Variants in AIDA observed in about 807,000 individuals in gnomAD.
AIDA encodes axin interactor, dorsalization-associated protein.
A neutral mutation model predicts 42.7 loss-of-function variants in AIDA; 18 were observed. That is an observed-to-expected ratio of 0.42 (90% CI 0.29 to 0.63). The LOEUF is 0.63. Ranked by LOEUF, AIDA falls within the 20% of genes least tolerant of loss-of-function variation. AIDA has a pLI of 0.19. For missense variants in AIDA, 250 were observed against 354.1 expected, an observed-to-expected ratio of 0.71 and a Z score of 2.36; for synonymous variants, 104 against 122.9, an observed-to-expected ratio of 0.85 and a Z score of 1.02.
chr1:222,695,512 T>C (rs1039780785), intron 2 of AIDA, among the ~76,000 whole-genome samples: 2 of 151,852 alleles, frequency 1.3e-5, no homozygotes, highest in African/African-American at 4.8e-5. Flanking sequence ...AAGACTATTG[T>C]GATAAAAGTA....
chr1:222,670,543 A>G (rs1389202030), intron 8 of AIDA, among the ~76,000 whole-genome samples: 2 of 152,240 alleles, frequency 1.3e-5, no homozygotes, highest in African/African-American at 2.4e-5. Flanking sequence ...AGGTAGAATC[A>G]TAAGCTGCTA....
intron 8 of AIDA, among the ~76,000 whole-genome samples, chr1:222,672,810 C>T (rs548952069): frequency 5.8e-4 from 88 of 152,336 alleles, no homozygotes; most frequent in South Asian, 2.3e-3. Flanking sequence ...ACTCAAATTT[C>T]CACTGGGCGA....
At chr1:222,699,187 G>C (rs1655611707) in intron 2 of AIDA, among the ~76,000 whole-genome samples, 1 of 151,838 alleles carries the variant, frequency 6.6e-6, no homozygotes, top group African/African-American at 2.4e-5. Context: ...TTGAACGGTT[G>C]GCATAATTCT....
intron 2 of AIDA, among the ~76,000 whole-genome samples, chr1:222,696,254 A>T (rs1202249910): frequency 6.6e-6 from 1 of 152,252 alleles, no homozygotes; most frequent in East Asian, 1.9e-4. Context: ...AGAAACCAGC[A>T]AATAGTCTTT....
At chr1:222,701,315 A>G (rs1288194116) in intron 2 of AIDA, among the ~76,000 whole-genome samples, 1 of 152,160 alleles carries the variant, frequency 6.6e-6, no homozygotes, top group Non-Finnish European at 1.5e-5. Flanking sequence ...ATCACTTTAT[A>G]TTTGAGGTCA....
chr1:222,670,514 G>T (rs535168899), intron 8 of AIDA, among the ~76,000 whole-genome samples: 2 of 152,276 alleles, frequency 1.3e-5, no homozygotes, highest in East Asian at 3.9e-4. Flanking sequence ...CCTCAAGAAT[G>T]TATAACAGTT....
chr1:222,703,101 C>G, intron 2 of AIDA, 47 bp downstream of exon 2: 1 of 1,470,716 alleles, frequency 6.8e-7, no homozygotes, highest in Non-Finnish European at 9.2e-7. Flanking sequence ...AAAGACAAAA[C>G]ACTTTTTGTT....
At chr1:222,700,002 C>T (rs2124966076) in intron 2 of AIDA, among the ~76,000 whole-genome samples, 1 of 152,274 alleles carries the variant, frequency 6.6e-6, no homozygotes, top group Admixed American at 6.5e-5. Flanking sequence ...TCGTGATCTG[C>T]CCACCTCGGC....
intron 2 of AIDA, among the ~76,000 whole-genome samples, chr1:222,697,542 C>G (rs891149426): frequency 3.3e-5 from 5 of 151,454 alleles, no homozygotes; most frequent in Admixed American, 6.6e-5. Flanking sequence ...ATTATTAGCA[C>G]TCAAATTAAC....
chr1:222,671,526 T>C (rs1236469332), intron 8 of AIDA, among the ~76,000 whole-genome samples: 1 of 152,148 alleles, frequency 6.6e-6, no homozygotes, highest in Non-Finnish European at 1.5e-5. Flanking sequence ...ACTAGAAGTT[T>C]AGCAATGTTC....
chr1:222,672,083 T>C (rs946419832), intron 8 of AIDA, among the ~76,000 whole-genome samples: 1 of 152,210 alleles, frequency 6.6e-6, no homozygotes, highest in Non-Finnish European at 1.5e-5. Flanking sequence ...TTAAAATGTT[T>C]GTAAACATGA....
intron 8 of AIDA, among the ~76,000 whole-genome samples, chr1:222,670,749 A>G (rs780537717): frequency 5.3e-5 from 8 of 152,240 alleles, no homozygotes; most frequent in Non-Finnish European, 1.0e-4. Context: ...ATGCTGGCTC[A>G]GCTGGAAAAT....
intron 1 of AIDA, among the ~76,000 whole-genome samples, chr1:222,704,567 G>A (rs1028721253): frequency 2.0e-5 from 3 of 152,112 alleles, no homozygotes; most frequent in Admixed American, 6.6e-5. Flanking sequence ...AAGATTATAC[G>A]TTATATGATT....
chr1:222,688,595 A>C (rs575928925), intron 4 of AIDA, among the ~76,000 whole-genome samples: 88 of 151,910 alleles, frequency 5.8e-4, no homozygotes, highest in African/African-American at 2.0e-3. Flanking sequence ...CTTACTAAAA[A>C]AAAGTTAATT....
chr1:222,708,654 C>G (rs1482167984), intron 1 of AIDA, among the ~76,000 whole-genome samples: 5 of 152,028 alleles, frequency 3.3e-5, no homozygotes, highest in East Asian at 3.9e-4. Flanking sequence ...AGCCGTGAGC[C>G]ACCACACCCA....
intron 1 of AIDA, among the ~76,000 whole-genome samples, chr1:222,705,536 G>A (rs577390550): frequency 6.6e-6 from 1 of 152,260 alleles, no homozygotes; most frequent in African/African-American, 2.4e-5. Context: ...CTGTTCAACC[G>A]CTAATTGGCA....
intron 4 of AIDA, among the ~76,000 whole-genome samples, chr1:222,689,503 A>ATG: frequency 1.4e-5 from 1 of 72,194 alleles, no homozygotes; most frequent in Non-Finnish European, 3.1e-5. Flanking sequence ...ATATATATAT[A>ATG]TATATATATA....
At chr1:222,703,533 A>G (rs1182641056) in intron 1 of AIDA, among the ~76,000 whole-genome samples, 1 of 152,182 alleles carries the variant, frequency 6.6e-6, no homozygotes, top group Non-Finnish European at 1.5e-5. Context: ...TTCTATAATA[A>G]GCCAATAAGT....
At chr1:222,674,942 C>T (rs368555438) in intron 7 of AIDA, among the ~76,000 whole-genome samples, 95 of 152,172 alleles carry the variant, frequency 6.2e-4, no homozygotes, top group African/African-American at 2.2e-3. Context: ...TACATTCCTG[C>T]ATGAGTTACG....
Sources: gnomAD v4.1 joint callset for allele counts (sites outside exome capture counted in the v4.1 genomes callset) on GRCh38, gnomAD v4.1.1 for gene constraint, MANE v1.5 for transcripts, NCBI Gene and HGNC (gene_info 2026-07-23, HGNC 2026-07-21) for gene names.